The following LRMDA variants were observed in gnomAD, a reference collection of about 807,000 sequenced individuals.
The protein encoded by LRMDA is leucine-rich melanocyte differentiation-associated protein.
LRMDA carries 18 observed loss-of-function variants against 29.8 expected under a neutral mutation model. That is an observed-to-expected ratio of 0.60 (90% CI 0.42 to 0.90). The LOEUF is 0.90. LRMDA is among the 40% of genes least tolerant of loss of function. The pLI, the probability that LRMDA is intolerant of heterozygous loss-of-function variation, is 0.00. For synonymous variants in LRMDA, 125 were observed against 109.4 expected (o/e 1.14, Z -0.89); for missense variants, 273 against 273.9 (o/e 1.00, Z 0.02).
At chr10:76,278,950 G>A (rs1262134217) in intron 5 of LRMDA, among the ~76,000 whole-genome samples, 3 of 152,182 alleles carry the variant, frequency 2.0e-5, no homozygotes, top group Non-Finnish European at 4.4e-5. Context: ...AGTTGGATGG[G>A]TTAGAACAAG....
At chr10:75,442,930 A>C (rs1044735835) in intron 2 of LRMDA, among the ~76,000 whole-genome samples, 1 of 152,002 alleles carries the variant, frequency 6.6e-6, no homozygotes, top group Non-Finnish European at 1.5e-5. Flanking sequence ...TCTTTGGTTA[A>C]ATTTATAGGA....
At chr10:76,158,555 A>G (rs1295412374) in intron 5 of LRMDA, among the ~76,000 whole-genome samples, 2 of 152,226 alleles carry the variant, frequency 1.3e-5, no homozygotes, top group Non-Finnish European at 2.9e-5. Flanking sequence ...TACTACGAAG[A>G]AACAACAAAG....
At chr10:76,193,575 C>T (rs190508018) in intron 5 of LRMDA, among the ~76,000 whole-genome samples, 11 of 152,178 alleles carry the variant, frequency 7.2e-5, no homozygotes, top group Admixed American at 5.2e-4. Context: ...TTATTATTAT[C>T]GCATATCTCT....
rs114343029 is a variant in LRMDA at position 75,472,329 on chromosome 10, A to C, written c.131+33835A>C. Among the ~76,000 whole-genome samples, 778 of 152,292 alleles carry C rather than the reference A, an allele frequency of 5.1e-3. 5 individuals carry two copies. Among genetic ancestry groups the C allele is most frequent in the African/African-American group, 0.018 (741 of 41,560 alleles). Reference sequence around the variant, plus strand: ...AGAAGGGCCTACCATTTATGCGCCCATTATGTACCAGGCACTGTCCAGCTC... The same window carrying C: ...AGAAGGGCCTACCATTTATGCGCCCCTTATGTACCAGGCACTGTCCAGCTC... On this transcript the variant is annotated intron_variant, in intron 2 of 6. Coordinates refer to ENST00000611255, the MANE Select transcript of LRMDA (RefSeq NM_001305581.2).
rs115006905 is a variant in LRMDA, at chr10:75,648,695, T to A, written c.131+210201T>A. Among the ~76,000 whole-genome samples the A allele has an allele frequency of 5.6e-3, 851 of 152,030 alleles. 7 individuals carry two copies. The highest frequency in any genetic ancestry group is 0.02 in the African/African-American group (811 of 41,470). On this transcript the variant is annotated intron_variant, in intron 2 of 6. Transcript: ENST00000611255. Reference sequence around the variant, plus strand: ...ATTACCTCACAGCAAACCTGACAATTAAGAAAAAAGGAAGTTTCACTTTTC... The same window carrying A: ...ATTACCTCACAGCAAACCTGACAATAAAGAAAAAAGGAAGTTTCACTTTTC...
At chr10:75,966,422 G>A (rs1383640943) in intron 2 of LRMDA, among the ~76,000 whole-genome samples, 2 of 152,204 alleles carry the variant, frequency 1.3e-5, no homozygotes, top group Non-Finnish European at 2.9e-5. Flanking sequence ...CTAGCACCGT[G>A]CTTAGGAAAT....
chr10:76,539,454 G>A (rs1299641312), intron 6 of LRMDA, among the ~76,000 whole-genome samples: 3 of 152,146 alleles, frequency 2.0e-5, no homozygotes, highest in African/African-American at 7.2e-5. Context: ...CAGGGCAATA[G>A]CACTAGGAAC....
At position 75,750,182 on chromosome 10, in the gene LRMDA, C is replaced by T. The variant is rs1842938683; in HGVS notation, c.132-285826C>T. ...GGGGTGGCGGCTGGGCAGAGGGGCT[C>T]CTCACTTCCCAGATGGGGTGGTCGG... On this transcript the variant is annotated intron_variant, in intron 2 of 6. Transcript: ENST00000611255. Among the ~76,000 whole-genome samples the T allele has an allele frequency of 3.9e-5, 6 of 152,274 alleles. No homozygotes were observed. In the South Asian group the frequency reaches 1.2e-3, roughly 32 times the overall value.
chr10:75,892,458 G>A lies in LRMDA; in HGVS notation c.132-143550G>A, dbSNP rs148007913. Among the ~76,000 whole-genome samples the A allele has an allele frequency of 2.5e-3, 384 of 152,246 alleles. 5 individuals are homozygous for A. The highest frequency in any genetic ancestry group is 7.1e-3 in the African/African-American group (297 of 41,548). On this transcript the variant is annotated intron_variant, in intron 2 of 6. Coordinates refer to ENST00000611255, the MANE Select transcript of LRMDA (RefSeq NM_001305581.2). ...ACTTACAGGTGTTCTTTAAGGGAGC[G>A]CTTAGGAAGTTTTACTCAGTTTAAC... is the stretch of plus-strand genomic sequence containing the variant.
chr10:75,949,358 A>G (rs1312766720), intron 2 of LRMDA, among the ~76,000 whole-genome samples: 1 of 152,252 alleles, frequency 6.6e-6, no homozygotes, highest in Non-Finnish European at 1.5e-5. Flanking sequence ...TGGTTCAACA[A>G]TGCCTTGTAA....
At chr10:76,003,530 G>A (rs888991693) in intron 2 of LRMDA, among the ~76,000 whole-genome samples, 13 of 152,168 alleles carry the variant, frequency 8.5e-5, no homozygotes, top group African/African-American at 2.2e-4. Flanking sequence ...GACGTTACAC[G>A]TTGGAGGGCA....
At chr10:76,475,725 A>G (rs1186225184) in intron 6 of LRMDA, among the ~76,000 whole-genome samples, 2 of 152,294 alleles carry the variant, frequency 1.3e-5, no homozygotes, top group South Asian at 2.1e-4. Flanking sequence ...CAATCAAACT[A>G]GAACTCAGGA....
chr10:76,350,098 A>G (rs1413594865), intron 6 of LRMDA, among the ~76,000 whole-genome samples: 1 of 152,026 alleles, frequency 6.6e-6, no homozygotes, highest in East Asian at 1.9e-4. Context: ...GGGTCCTTAC[A>G]TTTTTGGCAA....
chr10:75,760,119 G>T lies in LRMDA; in HGVS notation c.132-275889G>T, dbSNP rs546883589. 1.2e-3 allele frequency among the ~76,000 whole-genome samples: 180 copies of T among 152,352 alleles called. 3 individuals carry two copies. In the South Asian group the frequency reaches 0.036, roughly 30 times the overall value. On this transcript the variant is annotated intron_variant, in intron 2 of 6. Coordinates refer to ENST00000611255, the MANE Select transcript of LRMDA (RefSeq NM_001305581.2). ...GTATTTGCTCATGGGAAAGTGCAGT[G>T]CATGGGTTATCACTGCTTTCTGTCT... is the stretch of plus-strand genomic sequence containing the variant.
chr10:75,912,614 G>A (rs1845860740), intron 2 of LRMDA, among the ~76,000 whole-genome samples: 1 of 152,148 alleles, frequency 6.6e-6, no homozygotes, highest in South Asian at 2.1e-4. Context: ...GTGGGATAGG[G>A]GAGGTGAGGA....
At chr10:75,456,770 G>T (rs1205461949) in intron 2 of LRMDA, among the ~76,000 whole-genome samples, 2 of 152,208 alleles carry the variant, frequency 1.3e-5, no homozygotes, top group Admixed American at 1.3e-4. Context: ...CCGCCTCCCA[G>T]GTTAAAGTGA....
chr10:76,487,775 G>A (rs375702162), intron 6 of LRMDA, among the ~76,000 whole-genome samples: 3 of 151,786 alleles, frequency 2.0e-5, no homozygotes, highest in Non-Finnish European at 4.4e-5. Context: ...GATAGGTTAC[G>A]CAACTTGCCC....
intron 5 of LRMDA, among the ~76,000 whole-genome samples, chr10:76,227,366 A>C (rs1851978268): frequency 6.6e-6 from 1 of 152,158 alleles, no homozygotes; most frequent in Admixed American, 6.5e-5. Flanking sequence ...CAAGAGTCTT[A>C]AAGTAGAAAG....
At chr10:76,225,939 A>G (rs1055107088) in intron 5 of LRMDA, among the ~76,000 whole-genome samples, 1 of 123,768 alleles carries the variant, frequency 8.1e-6, no homozygotes, top group Non-Finnish European at 1.6e-5. Flanking sequence ...AAATGTTCCT[A>G]TTGTTCAATT....
Sources: gnomAD v4.1 joint callset for allele counts (sites outside exome capture counted in the v4.1 genomes callset) on GRCh38, gnomAD v4.1.1 for gene constraint, MANE v1.5 for transcripts, NCBI Gene and HGNC (gene_info 2026-07-23, HGNC 2026-07-21) for gene names.